The following RBBP8 variants were observed in gnomAD, a reference collection of about 807,000 sequenced individuals.
RBBP8 encodes DNA endonuclease RBBP8.
Under a neutral mutation model 108.3 loss-of-function variants are expected in RBBP8, and 88 were observed. The ratio of observed to expected loss-of-function variants is 0.81; its 90% CI spans 0.68 to 0.97. RBBP8 has a LOEUF of 0.97. RBBP8 is among the 50% of genes least tolerant of loss of function. RBBP8 has a pLI of 0.00. For synonymous variants in RBBP8, 332 were observed against 348.2 expected, an observed-to-expected ratio of 0.95 and a Z score of 0.52; for missense variants, 1,023 against 1,049.0, an observed-to-expected ratio of 0.98 and a Z score of 0.34.
intron 17 of RBBP8, among the ~76,000 whole-genome samples, chr18:23,017,787 C>A (rs144347682): frequency 8.5e-6 from 1 of 117,828 alleles, no homozygotes; most frequent in African/African-American, 3.6e-5. Flanking sequence ...TGCCCTGTTG[C>A]CCAGGCTGGA....
intron 18 of RBBP8, 114 bp from the exon 19 acceptor site, chr18:23,026,029 A>G (rs2046445423): frequency 2.4e-6 from 2 of 847,186 alleles, no homozygotes; most frequent in Non-Finnish European, 3.9e-6. Flanking sequence ...GCTAATAATC[A>G]GAAGAATCAT....
chr18:23,020,870 TC>T (rs2046336971), intron 17 of RBBP8, among the ~76,000 whole-genome samples: 1 of 152,136 alleles, frequency 6.6e-6, no homozygotes, highest in South Asian at 2.1e-4. Flanking sequence ...TCTCATCTCA[TC>T]CCAAAGCCCA....
chr18:22,931,852 A>T (rs373740051), upstream of RBBP8, among the ~76,000 whole-genome samples: 897 of 152,322 alleles, frequency 5.9e-3, 10 homozygotes, highest in South Asian at 0.028. Flanking sequence ...TATGTAATTT[A>T]AAATTAAATA....
intron 16 of RBBP8, among the ~76,000 whole-genome samples, chr18:23,014,185 T>G (rs1051090018): frequency 6.6e-6 from 1 of 152,084 alleles, no homozygotes; most frequent in Admixed American, 6.6e-5. Flanking sequence ...TTTGTATTTT[T>G]AGTAGAGACA....
At chr18:22,927,677 A>G (rs528922387) in intron 3 of RBBP8, among the ~76,000 whole-genome samples, 1 of 152,304 alleles carries the variant, frequency 6.6e-6, no homozygotes, top group East Asian at 1.9e-4. Flanking sequence ...AATATTTTAG[A>G]TAAACTGGGT....
intron 16 of RBBP8, among the ~76,000 whole-genome samples, chr18:23,015,708 A>C (rs2046243413): frequency 6.6e-6 from 1 of 152,120 alleles, no homozygotes; most frequent in South Asian, 2.1e-4. Flanking sequence ...CGTTTATTAA[A>C]TAGACTATCC....
intron 6 of RBBP8, among the ~76,000 whole-genome samples, chr18:22,980,596 C>T (rs1914842336): frequency 6.6e-6 from 1 of 151,968 alleles, no homozygotes; most frequent in African/African-American, 2.4e-5. Context: ...GGAGGGGCAC[C>T]ATCAGGTCAT....
intron 2 of RBBP8, among the ~76,000 whole-genome samples, chr18:22,916,194 T>G (rs1372350184): frequency 6.6e-6 from 1 of 152,132 alleles, no homozygotes; most frequent in African/African-American, 2.4e-5. Flanking sequence ...TTCTTTTTAT[T>G]CCTAGCTGCA....
intron 4 of RBBP8, chr18:22,950,054 G>A: frequency 4.7e-6 from 1 of 210,712 alleles, no homozygotes; most frequent in Non-Finnish European, 9.6e-6. Context: ...GTCTTTTCTT[G>A]TTCTTGCTGT....
intron 16 of RBBP8, among the ~76,000 whole-genome samples, chr18:23,015,829 C>A (rs912913600): frequency 7.9e-5 from 12 of 152,152 alleles, no homozygotes; most frequent in Non-Finnish European, 1.2e-4. Context: ...GTTTTTATGC[C>A]AGTACCATGC....
intron 4 of RBBP8, among the ~76,000 whole-genome samples, chr18:22,963,313 T>TA (rs1913278784): frequency 6.6e-6 from 1 of 152,202 alleles, no homozygotes; most frequent in Non-Finnish European, 1.5e-5. Context: ...GTTAGATCAC[T>TA]ATTGAGTTTT....
intron 12 of RBBP8, among the ~76,000 whole-genome samples, 164 bp downstream of exon 12, chr18:22,994,011 G>GTTCT (rs2045800821): frequency 1.3e-5 from 1 of 77,466 alleles, no homozygotes; most frequent in African/African-American, 3.9e-5. Context: ...TGATTTTTCT[G>GTTCT]TTCTTTTTTT....
Position 22,991,041 on chromosome 18 carries a change from T to C in RBBP8, c.912T>C (p.Asp304=), listed in dbSNP as rs945302227. The C allele has an allele frequency of 1.0e-5, 16 of 1,607,352 alleles. No homozygotes were observed. The highest frequency in any genetic ancestry group is 1.3e-5 in the African/African-American group (1 of 74,768). ...PFEESTRNTE[D]SLRFSDSTSK... ...AGGAATCTACAAGAAATACTGAAGA[T>C]AGTTTAAGGTAATTAAGGGCACGTT... Residue 304 remains aspartate, a synonymous_variant, in exon 10 of 19, where the codon GAT becomes GAC. Transcript: ENST00000327155.
At chr18:22,962,072 T>A (rs572037575) in intron 4 of RBBP8, among the ~76,000 whole-genome samples, 5 of 152,358 alleles carry the variant, frequency 3.3e-5, no homozygotes, top group African/African-American at 4.8e-5. Context: ...CATTCCATCC[T>A]TAAATACTGT....
At chr18:22,983,023 G>A (rs1213232150) in intron 7 of RBBP8, among the ~76,000 whole-genome samples, 1 of 152,204 alleles carries the variant, frequency 6.6e-6, no homozygotes, top group South Asian at 2.1e-4. Flanking sequence ...GTAGGAGTTA[G>A]TGGTAATCAA....
chr18:22,919,066 C>CAA (rs749110073), intron 3 of RBBP8, among the ~76,000 whole-genome samples: 36 of 152,122 alleles, frequency 2.4e-4, no homozygotes, highest in Non-Finnish European at 3.8e-4. Context: ...GTATAGAGCA[C>CAA]AAGAAGATAG....
chr18:22,954,251 A>G (rs2144512450), intron 4 of RBBP8, among the ~76,000 whole-genome samples: 1 of 152,360 alleles, frequency 6.6e-6, no homozygotes, highest in South Asian at 2.1e-4. Flanking sequence ...CATCTGAGAC[A>G]AGGCAAGTTC....
In RBBP8 at chr18:22,972,415, C is replaced by CTTT. The variant is rs796522846; in HGVS notation, c.362-2725_362-2723dup. On this transcript the variant is annotated intron_variant, in intron 5 of 18. Transcript: ENST00000327155. ...GGGATGCTTTGAATCTTGTTTATTT[C>CTTT]TTTTTTTTTTTTTTTAGAGATGGAT... Among the ~76,000 whole-genome samples the CTTT allele has an allele frequency of 3.4e-3, 396 of 116,128 alleles. 3 individuals carry two copies. The highest frequency in any genetic ancestry group is 0.012 in the African/African-American group (388 of 32,150). 76.2% of individuals were successfully genotyped at this position (116,128 alleles called of 152,430 possible). A position where few individuals can be genotyped will look rare whatever the true frequency, so the allele number is the denominator to read the frequency against.
At chr18:22,958,865 T>A (rs1038065512) in intron 4 of RBBP8, among the ~76,000 whole-genome samples, 13 of 152,190 alleles carry the variant, frequency 8.5e-5, no homozygotes, top group Admixed American at 8.5e-4. Context: ...GAAGAAATAT[T>A]TCTTGGGCTA....
Sources: gnomAD v4.1 joint callset for allele counts (sites outside exome capture counted in the v4.1 genomes callset) on GRCh38, gnomAD v4.1.1 for gene constraint, MANE v1.5 for transcripts, NCBI Gene and HGNC (gene_info 2026-07-23, HGNC 2026-07-21) for gene names.